The following ASCC2 variants were observed in gnomAD, a reference collection of about 807,000 sequenced individuals.
ASCC2 encodes the protein ASC-1 complex subunit P100.
ASCC2 carries 42 observed loss-of-function variants against 93.5 expected under a neutral mutation model. That is an observed-to-expected ratio of 0.45 (90% CI 0.35 to 0.58). The LOEUF is 0.58. Ranked by LOEUF, ASCC2 falls within the 20% of genes least tolerant of loss-of-function variation. The pLI is 0.00. For synonymous variants in ASCC2, 364 were observed against 384.2 expected (o/e 0.95, Z 0.62); for missense variants, 859 against 977.6 (o/e 0.88, Z 1.62).
intron 8 of ASCC2, among the ~76,000 whole-genome samples, chr22:29,809,141 A>AAT (rs59722783): frequency 0.38 from 54,018 of 141,314 alleles, 11,536 homozygotes; most frequent in East Asian, 0.55. Flanking sequence ...AAAAAAAAAA[A>AAT]TTTAACATGA....
rs1257181000 is a variant in ASCC2, at chr22:29,788,642, CTT to C, written c.*369_*370del. 1 of 249,118 alleles carries C rather than the reference CTT, an allele frequency of 4.0e-6. No homozygotes were observed. The highest frequency in any genetic ancestry group is 7.9e-6 in the Non-Finnish European group (1 of 127,372). 15.4% of individuals were successfully genotyped at this position (249,118 alleles called of 1,614,324 possible). ...AGGGTCAAAAATTTTATTAGCAGGA[CTT>C]TTTGTGTTTTTGAATATACAGGTTT... On this transcript the variant is annotated 3_prime_UTR_variant, in exon 20 of 20. Transcript: ENST00000307790.
At chr22:29,790,190 T>TA (rs1476997265) in intron 19 of ASCC2, among the ~76,000 whole-genome samples, 2 of 152,188 alleles carry the variant, frequency 1.3e-5, no homozygotes, top group African/African-American at 2.4e-5. Context: ...AAGTAATGGT[T>TA]ATGAGTGGGG....
At chr22:29,789,903 C>T (rs564905055) in intron 19 of ASCC2, among the ~76,000 whole-genome samples, 5 of 152,264 alleles carry the variant, frequency 3.3e-5, no homozygotes, top group East Asian at 1.9e-4. Context: ...TGGGAAGATG[C>T]GGGGCCTGGA....
chr22:29,806,368 T>C, intron 11 of ASCC2, 78 bp from the exon 12 acceptor site: 1 of 1,576,184 alleles, frequency 6.3e-7, no homozygotes, highest in Non-Finnish European at 8.7e-7. Flanking sequence ...CCACTCCCTG[T>C]GTTTGCAGCC....
chr22:29,812,846 C>G (rs1011829819), intron 8 of ASCC2, among the ~76,000 whole-genome samples: 1 of 151,956 alleles, frequency 6.6e-6, no homozygotes, highest in Non-Finnish European at 1.5e-5. Context: ...TGTGTTCCCC[C>G]CAGGCTACTC....
rs182759890 is a variant in ASCC2 at position 29,823,044 on chromosome 22, T to A, written c.412-580A>T. 1.9e-3 allele frequency among the ~76,000 whole-genome samples: 277 copies of A among 148,804 alleles called. 2 individuals are homozygous for A. Among genetic ancestry groups the A allele is most frequent in the African/African-American group, 6.2e-3 (248 of 40,284 alleles). On this transcript the variant is annotated intron_variant, in intron 4 of 19. Transcript: ENST00000307790. ...CTCCCCTTTAAAAAAAATTTTTTTT[T>A]AAATTTTATTTTTTGAGACAGTCTT...
chr22:29,801,765 C>T (rs998591313), intron 14 of ASCC2, among the ~76,000 whole-genome samples: 14 of 152,276 alleles, frequency 9.2e-5, no homozygotes, highest in South Asian at 4.1e-4. Context: ...ATCAGCCTTC[C>T]CACAAAGTGT....
chr22:29,790,628 G>A (rs1252592495), intron 18 of ASCC2, 80 bp from the exon 19 acceptor site: 3 of 1,419,270 alleles, frequency 2.1e-6, no homozygotes, highest in African/African-American at 2.8e-5. Context: ...CTGCTCAAGT[G>A]AAGCTTGTCG....
chr22:29,790,605 C>T (rs948611566), intron 18 of ASCC2, 57 bp from the exon 19 acceptor site: 7 of 1,550,888 alleles, frequency 4.5e-6, no homozygotes, highest in Middle Eastern at 1.7e-4. Flanking sequence ...TTTTCCTAAG[C>T]GGCGATGAGG....
Position 29,790,521 on chromosome 22 carries a change from C to G in ASCC2, c.2050G>C (p.Val684Leu), listed in dbSNP as rs1274789784. 2.5e-6 allele frequency: 4 copies of G among 1,614,052 alleles called. No homozygotes were observed. The highest frequency in any genetic ancestry group is 2.7e-5 in the African/African-American group (2 of 74,940). ...KPDHFVQDPA[V>L]LREKAEARRM... ...CTGGCTTCTGCCTTCTCTCTCAGCACTGCAGGGTCCTGAACAAAATGGTCG... is the reference window on the plus strand; with the variant it reads ...CTGGCTTCTGCCTTCTCTCTCAGCAGTGCAGGGTCCTGAACAAAATGGTCG... The change falls in exon 19 of 20, where the codon GTG (valine) becomes CTG (leucine). Residue 684 changes from valine to leucine, a missense_variant. Val to Leu is a conservative substitution (Grantham distance 32). Coordinates refer to ENST00000307790, the MANE Select transcript of ASCC2 (RefSeq NM_032204.5).
In ASCC2 at chr22:29,832,248, C is replaced by A. The variant is rs771384841; in HGVS notation, c.78G>T (p.Ala26=). Residue 26 remains alanine, a synonymous_variant, in exon 2 of 20, where the codon GCG becomes GCT. Transcript: ENST00000307790. ...PKTGKLRTSP[A]LHPEQKADRY... Reference sequence around the variant, plus strand: ...TGGCCTTAAGTGACCGGCTCACCAGCGCTGGTGAAGTCCTCAGCTTTCCTG... The same window carrying A: ...TGGCCTTAAGTGACCGGCTCACCAGAGCTGGTGAAGTCCTCAGCTTTCCTG... The A allele has an allele frequency of 6.2e-7, 1 of 1,612,754 alleles. No individual in the cohort carries two copies. Among genetic ancestry groups the A allele is most frequent in the Non-Finnish European group, 8.5e-7 (1 of 1,178,784 alleles).
intron 15 of ASCC2, among the ~76,000 whole-genome samples, chr22:29,796,873 C>T (rs1051990128): frequency 2.0e-5 from 3 of 152,188 alleles, no homozygotes; most frequent in African/African-American, 4.8e-5. Flanking sequence ...GCTACACCTT[C>T]GGCTTCTGGT....
At chr22:29,805,523 C>T (rs2059569636) in intron 12 of ASCC2, among the ~76,000 whole-genome samples, 1 of 152,202 alleles carries the variant, frequency 6.6e-6, no homozygotes, top group South Asian at 2.1e-4. Flanking sequence ...TCACTTCCTG[C>T]TTCACAACCT....
At chr22:29,798,628 C>T (rs905305926) in intron 15 of ASCC2, among the ~76,000 whole-genome samples, 5 of 152,230 alleles carry the variant, frequency 3.3e-5, no homozygotes, top group African/African-American at 7.2e-5. Flanking sequence ...GATTCAACAA[C>T]GAACACATTT....
intron 1 of ASCC2, chr22:29,834,666 T>C (rs1274697947): frequency 7.2e-6 from 3 of 414,732 alleles, no homozygotes; most frequent in African/African-American, 6.2e-5. Context: ...ATCAAGTTAC[T>C]GTCTTACTAG....
At position 29,788,651 on chromosome 22, in the gene ASCC2, T is replaced by G; in HGVS notation, c.*362A>C. The G allele has an allele frequency of 1.1e-5, 3 of 261,128 alleles. No homozygotes were observed. The highest frequency in any genetic ancestry group is 2.2e-5 in the Non-Finnish European group (3 of 135,072). The allele number at this position is 261,128 out of a possible 1,614,324, so 16.2% of individuals were successfully genotyped here. On this transcript the variant is annotated 3_prime_UTR_variant, in exon 20 of 20. Coordinates refer to ENST00000307790, the MANE Select transcript of ASCC2 (RefSeq NM_032204.5). ...AATTTTATTAGCAGGACTTTTTGTG[T>G]TTTTGAATATACAGGTTTCCTGCTG...
At chr22:29,792,403 C>T in intron 18 of ASCC2, 30 bp downstream of exon 18, 2 of 1,612,454 alleles carry the variant, frequency 1.2e-6, no homozygotes, top group Non-Finnish European at 1.7e-6. Flanking sequence ...CTGCACTCTC[C>T]CCTTCATCTG....
chr22:29,800,335 T>C (rs1205467810), intron 15 of ASCC2, among the ~76,000 whole-genome samples: 2 of 152,224 alleles, frequency 1.3e-5, no homozygotes, highest in Non-Finnish European at 2.9e-5. Flanking sequence ...CTTGTAGTAT[T>C]TGTTATACCT....
At chr22:29,792,682 G>T in intron 17 of ASCC2, 147 bp from the exon 18 acceptor site, 1 of 1,135,122 alleles carries the variant, frequency 8.8e-7, no homozygotes, top group Non-Finnish European at 1.2e-6. Flanking sequence ...AGCCAGATTT[G>T]CTCCAGCCCC....
Sources: allele counts gnomAD v4.1 joint callset (sites outside exome capture counted in the v4.1 genomes callset), GRCh38; gene constraint gnomAD v4.1.1; transcripts MANE v1.5; gene names NCBI Gene and HGNC (gene_info 2026-07-23, HGNC 2026-07-21).